The following TTC13 variants were observed in gnomAD, a reference collection of about 807,000 sequenced individuals.
TTC13 encodes tetratricopeptide repeat domain 13, also known as tetratricopeptide repeat protein 13.
Under a neutral mutation model 120.0 loss-of-function variants are expected in TTC13, and 62 were observed. The observed-to-expected ratio is 0.52, with a 90% CI of 0.42 to 0.64. The LOEUF is 0.64. TTC13 is among the 30% of genes least tolerant of loss of function. TTC13 has a pLI of 0.00. For synonymous variants in TTC13, 384 were observed against 393.5 expected, an observed-to-expected ratio of 0.98 and a Z score of 0.28; for missense variants, 824 against 1,050.2, an observed-to-expected ratio of 0.78 and a Z score of 2.98.
intron 20 of TTC13, 121 bp from the exon 21 acceptor site, chr1:230,909,141 A>T: frequency 1.3e-6 from 1 of 770,118 alleles, no homozygotes; most frequent in Middle Eastern, 2.4e-4. Context: ...TTCAAATAAA[A>T]CACCGAATGT....
chr1:230,948,508 A>G (rs1284470810), intron 4 of TTC13, among the ~76,000 whole-genome samples: 2 of 145,374 alleles, frequency 1.4e-5, no homozygotes, highest in Middle Eastern at 3.4e-3. Context: ...TTTTCTTTTC[A>G]TAAAGACAGG....
chr1:230,931,651 C>A, intron 10 of TTC13, 85 bp downstream of exon 10: 2 of 1,525,656 alleles, frequency 1.3e-6, no homozygotes, highest in Admixed American at 1.9e-5. Flanking sequence ...TATTCTCAGT[C>A]CCCCTTCTCT....
intron 1 of TTC13, among the ~76,000 whole-genome samples, chr1:230,973,328 A>T (rs1677950957): frequency 6.6e-6 from 1 of 152,236 alleles, no homozygotes; most frequent in African/African-American, 2.4e-5. Context: ...GAAAGCTACC[A>T]TATACATGGA....
intron 1 of TTC13, among the ~76,000 whole-genome samples, chr1:230,969,333 G>A (rs1320681572): frequency 1.3e-5 from 2 of 152,158 alleles, no homozygotes; most frequent in Non-Finnish European, 2.9e-5. Flanking sequence ...GAGTTGACCT[G>A]GTGAAGATGA....
intron 8 of TTC13, among the ~76,000 whole-genome samples, chr1:230,935,696 A>G (rs1673979680): frequency 6.6e-6 from 1 of 152,182 alleles, no homozygotes; most frequent in Non-Finnish European, 1.5e-5. Flanking sequence ...GGGGCTTCAC[A>G]CAGGTGCATG....
At chr1:230,919,061 T>TAATCAAA (rs1672318543) in intron 17 of TTC13, among the ~76,000 whole-genome samples, 3 of 152,196 alleles carry the variant, frequency 2.0e-5, no homozygotes, top group African/African-American at 7.2e-5. Context: ...TCTGTCCCTT[T>TAATCAAA]TAGTGTCCTT....
At position 230,906,388 on chromosome 1, in the gene TTC13, A is replaced by C. The variant is rs1462480720; in HGVS notation, c.*517T>G. 1 of 152,206 alleles carries C rather than the reference A, an allele frequency of 6.6e-6. No individual in the cohort carries two copies. The highest frequency in any genetic ancestry group is 1.5e-5 in the Non-Finnish European group (1 of 68,048). The allele number at this position is 152,206 out of a possible 1,614,324, so 9.4% of individuals were successfully genotyped here. On this transcript the variant is annotated 3_prime_UTR_variant, in exon 23 of 23. Transcript: ENST00000366661. ...TTCAAAATAAGTGTTCCTGGCTGTG[A>C]GCTCTGCAACACATACTGATGGCCC...
At chr1:230,956,718 C>T (rs1472741258) in intron 3 of TTC13, among the ~76,000 whole-genome samples, 1 of 152,100 alleles carries the variant, frequency 6.6e-6, no homozygotes, top group Non-Finnish European at 1.5e-5. Flanking sequence ...CCACCTAAAG[C>T]TCAACATTTT....
intron 1 of TTC13, among the ~76,000 whole-genome samples, chr1:230,976,566 C>A (rs548807425): frequency 1.3e-5 from 2 of 152,254 alleles, no homozygotes; most frequent in Non-Finnish European, 2.9e-5. Flanking sequence ...CGGCAGCTGC[C>A]CCACTTTAGC....
At chr1:230,962,105 G>C (rs561012968) in intron 1 of TTC13, among the ~76,000 whole-genome samples, 1 of 152,136 alleles carries the variant, frequency 6.6e-6, no homozygotes, top group Non-Finnish European at 1.5e-5. Flanking sequence ...AGCTACTTGG[G>C]AGGCTGAGGC....
intron 12 of TTC13, among the ~76,000 whole-genome samples, chr1:230,927,047 A>G (rs549851672): frequency 6.6e-6 from 1 of 152,346 alleles, no homozygotes. Context: ...ACATTTTACA[A>G]TTAATCCACA....
chr1:230,907,746 G>T (rs559841375), intron 22 of TTC13, among the ~76,000 whole-genome samples: 1 of 152,324 alleles, frequency 6.6e-6, no homozygotes, highest in East Asian at 1.9e-4. Flanking sequence ...GCAATAGAGT[G>T]GTTGCTATGT....
rs1678616510 is a variant in TTC13, at chr1:230,978,521, CG to C, written c.271+38del. 1.5e-6 allele frequency: 1 copy of C among 667,384 alleles called. No individual in the cohort carries two copies. The highest frequency in any genetic ancestry group is 2.1e-6 in the Non-Finnish European group (1 of 469,052). 41.3% of individuals were successfully genotyped at this position (667,384 alleles called of 1,614,324 possible). A position where few individuals can be genotyped will look rare whatever the true frequency, so the allele number is the denominator to read the frequency against. On this transcript the variant is annotated intron_variant, in intron 1 of 22. Transcript: ENST00000366661. This position sits in a 1 kb window ranked among gnomAD's most constrained non-coding sequence, Gnocchi z 5.6. Reference sequence around the variant, plus strand: ...CGGGACCCCAGCCCCGCTGCCCCGCCGCCCCGGCCGACTCGGACGCCCGCCG... The same window carrying C: ...CGGGACCCCAGCCCCGCTGCCCCGCCCCCCGGCCGACTCGGACGCCCGCCG...
chr1:230,940,403 A>T lies in TTC13; in HGVS notation c.789+37T>A. 3 of 1,357,898 alleles carry T rather than the reference A, an allele frequency of 2.2e-6. No individual in the cohort carries two copies. Among genetic ancestry groups the T allele is most frequent in the Non-Finnish European group, 3.1e-6 (3 of 955,100 alleles). The allele number at this position is 1,357,898 out of a possible 1,614,324, so 84.1% of individuals were successfully genotyped here. The stretch of plus-strand genomic sequence containing the variant: ...AGGTCAAGGGAAAAATGAAATCTTC[A>T]TCATCATAAAAATACTTCAAGACAA... On this transcript the variant is annotated intron_variant, in intron 7 of 22. Transcript: ENST00000366661. The surrounding 1 kb of genome is among the most constrained non-coding windows in gnomAD (Gnocchi z 4.1).
At chr1:230,911,809 C>T in intron 19 of TTC13, among the ~76,000 whole-genome samples, 1 of 152,150 alleles carries the variant, frequency 6.6e-6, no homozygotes, top group Non-Finnish European at 1.5e-5. Flanking sequence ...TCTCAGTCTC[C>T]TTTAACGTTA....
In TTC13 at chr1:230,961,302, C is replaced by G; in HGVS notation, c.273G>C (p.Glu91Asp). ...AGTCATGGAAGTTCAAAAAGGATGA[C>G]TCTGAAAGGCAAGCATTCTTTGTTA... ...WGDQYSAECGESSFLNFHDSD... is the reference protein window; with the variant it reads ...WGDQYSAECGDSSFLNFHDSD... The change falls in exon 2 of 23, where the codon GAG (glutamate) becomes GAC (aspartate). Residue 91 changes from glutamate (E) to aspartate (D), a missense_variant and splice_region_variant. Around this residue, in one of 4 missense-constraint regions of TTC13, gnomAD observed 160 missense variants for 137.2 expected, o/e 1.17. Transcript: ENST00000366661. The G allele has an allele frequency of 6.2e-7, 1 of 1,609,808 alleles. No individual in the cohort carries two copies. Among genetic ancestry groups the G allele is most frequent in the Non-Finnish European group, 8.5e-7 (1 of 1,176,694 alleles).
chr1:230,958,600 T>C (rs1676327634), intron 2 of TTC13, among the ~76,000 whole-genome samples: 4 of 152,228 alleles, frequency 2.6e-5, no homozygotes, highest in Admixed American at 2.6e-4. Context: ...GTGTTACTGA[T>C]GATATACAGC....
intron 3 of TTC13, among the ~76,000 whole-genome samples, chr1:230,957,724 G>A (rs1676227188): frequency 6.6e-6 from 1 of 152,146 alleles, no homozygotes; most frequent in Non-Finnish European, 1.5e-5. Context: ...TTTAAAACAT[G>A]CAATGAACAC....
intron 8 of TTC13, among the ~76,000 whole-genome samples, chr1:230,934,087 C>T (rs1375721955): frequency 1.3e-5 from 2 of 152,126 alleles, no homozygotes; most frequent in Non-Finnish European, 2.9e-5. Flanking sequence ...AATTTCTCCC[C>T]TTTACAATGG....
Sources: allele counts gnomAD v4.1 joint callset (sites outside exome capture counted in the v4.1 genomes callset), GRCh38; gene constraint gnomAD v4.1.1; regional missense constraint gnomAD v4.1.1; non-coding constraint Gnocchi (gnomAD v3.1); transcripts MANE v1.5; gene names NCBI Gene and HGNC (gene_info 2026-07-23, HGNC 2026-07-21).